TPGS2: variants seen among roughly 807,000 people sequenced by gnomAD.
TPGS2 encodes polyglutamylase subunit 2.
In TPGS2, 26 loss-of-function variants were observed where a neutral mutation model predicts 31.1. The observed-to-expected ratio is 0.84, with a 90% CI of 0.61 to 1.16. The LOEUF is 1.16. Among genes scored for constraint, TPGS2 ranks in the 50% most tolerant of loss-of-function variants. TPGS2 has a pLI of 0.00. For synonymous variants in TPGS2, 130 were observed against 136.6 expected, an observed-to-expected ratio of 0.95 and a Z score of 0.34; for missense variants, 351 against 363.8, an observed-to-expected ratio of 0.96 and a Z score of 0.29.
At chr18:36,790,491 A>G (rs2044272220), downstream of TPGS2, among the ~76,000 whole-genome samples, 1 of 152,180 alleles carries the variant, frequency 6.6e-6, no homozygotes, top group South Asian at 2.1e-4. Flanking sequence ...AAACATAAGG[A>G]TGTGAGTTTA....
intron 1 of TPGS2, 24 bp from the exon 2 acceptor site, chr18:36,818,997 AG>A (rs1181124834): frequency 6.2e-7 from 1 of 1,601,398 alleles, no homozygotes; most frequent in South Asian, 1.1e-5. Context: ...AAGAGTCTGT[AG>A]AGTTGCAATT....
At chr18:36,787,065 G>A (rs1403643950) in intron 6 of TPGS2, 6 of 1,232,970 alleles carry the variant, frequency 4.9e-6, no homozygotes, top group Admixed American at 4.2e-5. Context: ...TATTCATTTT[G>A]ATATTATAAG....
intron 1 of TPGS2, among the ~76,000 whole-genome samples, chr18:36,821,369 G>A (rs1420752800): frequency 6.6e-6 from 1 of 152,136 alleles, no homozygotes. Context: ...GACCCCAAAT[G>A]AGAACTACCC....
Position 36,820,815 on chromosome 18 carries a change from T to C in TPGS2, c.86-1842A>G, listed in dbSNP as rs73947031. ...TTTGGAAAGCAATAGAAATTATACA[T>C]TGTTCTTGGCCTATCAAGATGCCAT... On this transcript the variant is annotated intron_variant, in intron 1 of 6. Coordinates refer to ENST00000334295, the MANE Select transcript of TPGS2 (RefSeq NM_015476.4). 2.5e-3 allele frequency among the ~76,000 whole-genome samples: 388 copies of C among 152,310 alleles called. 3 individuals carry two copies. Among genetic ancestry groups the C allele is most frequent in the African/African-American group, 8.9e-3 (371 of 41,576 alleles).
At chr18:36,808,364 A>G (rs1340069178) in intron 2 of TPGS2, among the ~76,000 whole-genome samples, 1 of 152,256 alleles carries the variant, frequency 6.6e-6, no homozygotes, top group Non-Finnish European at 1.5e-5. Context: ...AGAGCATCTT[A>G]AAAGTGAAGA....
chr18:36,783,950 T>C (rs1389772495), intron 6 of TPGS2, among the ~76,000 whole-genome samples: 1 of 150,358 alleles, frequency 6.7e-6, no homozygotes, highest in Non-Finnish European at 1.5e-5. Context: ...AAAGGCAGAG[T>C]GAGATTTGAT....
At chr18:36,798,649 C>T (rs1191961935) in intron 5 of TPGS2, 40 bp from the exon 6 acceptor site, 1 of 1,590,906 alleles carries the variant, frequency 6.3e-7, no homozygotes, top group East Asian at 2.2e-5. Flanking sequence ...TAAAGAATAG[C>T]TTAACAGTTT....
chr18:36,813,617 G>GT (rs1347762145), intron 2 of TPGS2, among the ~76,000 whole-genome samples: 2 of 152,236 alleles, frequency 1.3e-5, no homozygotes. Flanking sequence ...GACAGAGACT[G>GT]TAACGCCAGA....
rs1186538303 is a variant in TPGS2 at position 36,795,388 on chromosome 18, G to T, written c.*1417C>A. On this transcript the variant is annotated 3_prime_UTR_variant, in exon 7 of 7. Transcript: ENST00000334295. ...CAGCTGGGACTGAAGTGTGCAGATG[G>T]TAGAGGCCCCTGCACCTCATTCCTC... 4 of 985,278 alleles carry T rather than the reference G, an allele frequency of 4.1e-6. No individual in the cohort carries two copies. Among genetic ancestry groups the T allele is most frequent in the Non-Finnish European group, 3.6e-6 (3 of 829,948 alleles). The allele number at this position is 985,278 out of a possible 1,614,324, so 61.0% of individuals were successfully genotyped here.
chr18:36,826,971 A>G (rs1158747274), intron 1 of TPGS2, among the ~76,000 whole-genome samples: 1 of 152,016 alleles, frequency 6.6e-6, no homozygotes, highest in African/African-American at 2.4e-5. Flanking sequence ...TGCTTTTTTT[A>G]TTAAGATGAT....
Position 36,796,662 on chromosome 18 carries a change from G to C in TPGS2, c.*143C>G. ...CTCACTACGAGCCTGGCTAATGTCG[G>C]TGGGACTAAAAGCCTTACAATTTTG... On this transcript the variant is annotated 3_prime_UTR_variant, in exon 7 of 7. Coordinates refer to ENST00000334295, the MANE Select transcript of TPGS2 (RefSeq NM_015476.4). The C allele has an allele frequency of 7.0e-7, 1 of 1,429,914 alleles. No homozygotes were observed. The highest frequency in any genetic ancestry group is 1.5e-5 in the African/African-American group (1 of 68,368). The allele number at this position is 1,429,914 out of a possible 1,614,324, so 88.6% of individuals were successfully genotyped here.
At chr18:36,793,319 C>T (rs1271813636), downstream of TPGS2, among the ~76,000 whole-genome samples, 1 of 152,120 alleles carries the variant, frequency 6.6e-6, no homozygotes, top group African/African-American at 2.4e-5. Flanking sequence ...TCCATTGGAC[C>T]CATGATGTGT....
chr18:36,797,373 G>A (rs963720504), intron 6 of TPGS2, among the ~76,000 whole-genome samples: 2 of 150,906 alleles, frequency 1.3e-5, no homozygotes, highest in Admixed American at 6.6e-5. Context: ...CTAGAGGACA[G>A]CGTCTATTGT....
At chr18:36,781,767 T>C, downstream of TPGS2, 1 of 985,502 alleles carries the variant, frequency 1.0e-6, no homozygotes, top group Non-Finnish European at 1.2e-6. Context: ...CCTCTGTGCC[T>C]GTGTTCCCCT....
intron 1 of TPGS2, chr18:36,820,848 A>G (rs1225213232): frequency 6.6e-6 from 1 of 152,230 alleles, no homozygotes; most frequent in Admixed American, 6.5e-5. Flanking sequence ...CATATATGAG[A>G]AGCAATATCT....
At position 36,800,391 on chromosome 18, in the gene TPGS2, G is replaced by GA; in HGVS notation, c.383-81dup. 3.4e-6 allele frequency: 4 copies of GA among 1,166,170 alleles called. No individual in the cohort carries two copies. The East Asian group carries it at 7.0e-5, about 20-fold the overall frequency. The allele number at this position is 1,166,170 out of a possible 1,614,324, so 72.2% of individuals were successfully genotyped here. ...CCTATATATCCAACTTTGCTAGGTG[G>GA]AAAAAACAGAAGGAAAAAGCCTTAT... is the stretch of plus-strand genomic sequence containing the variant. On this transcript the variant is annotated intron_variant, in intron 4 of 6. Coordinates refer to ENST00000334295, the MANE Select transcript of TPGS2 (RefSeq NM_015476.4).
chr18:36,826,404 C>CTGTGTGTGTGTGTGTGTGTG (rs34742069), intron 1 of TPGS2, among the ~76,000 whole-genome samples: 1 of 146,338 alleles, frequency 6.8e-6, no homozygotes, highest in Admixed American at 6.8e-5. Flanking sequence ...GGTGTATAGG[C>CTGTGTGTGTGTGTGTGTGTG]TGTGTGTGTG....
In TPGS2 at chr18:36,807,925, A is replaced by G; in HGVS notation, c.175T>C (p.Cys59Arg). ...TTCTTCACATCTTCAGGCATCACACAGTTATTCTTCTAGAATCACAAAGCA... is the reference window on the plus strand; with the variant it reads ...TTCTTCACATCTTCAGGCATCACACGGTTATTCTTCTAGAATCACAAAGCA... The part of the protein sequence containing the change: ...MISSWEQKNN[C>R]VMPEDVKNFY... The change falls in exon 3 of 7, where the codon TGT becomes CGT. Residue 59 changes from cysteine (C) to arginine (R), a missense_variant. Cys to Arg is a radical substitution (Grantham distance 180). Coordinates refer to ENST00000334295, the MANE Select transcript of TPGS2 (RefSeq NM_015476.4). 1 of 1,614,138 alleles carries G rather than the reference A, an allele frequency of 6.2e-7. No individual in the cohort carries two copies.
chr18:36,795,301 G>A lies in TPGS2; in HGVS notation c.*1504C>T. 1 of 985,594 alleles carries A rather than the reference G, an allele frequency of 1.0e-6. No individual in the cohort carries two copies. Among genetic ancestry groups the A allele is most frequent in the Non-Finnish European group, 1.2e-6 (1 of 830,058 alleles). 61.1% of individuals were successfully genotyped at this position (985,594 alleles called of 1,614,324 possible). ...CCCTGGGTCGATTAGCAGGTAGACAGTGCAAAGGAAGGAAGTCTGGCCAAT... is the reference window on the plus strand; with the variant it reads ...CCCTGGGTCGATTAGCAGGTAGACAATGCAAAGGAAGGAAGTCTGGCCAAT... On this transcript the variant is annotated 3_prime_UTR_variant, in exon 7 of 7. Coordinates refer to ENST00000334295, the MANE Select transcript of TPGS2 (RefSeq NM_015476.4).
Sources: gnomAD v4.1 joint callset for allele counts (sites outside exome capture counted in the v4.1 genomes callset) on GRCh38, gnomAD v4.1.1 for gene constraint, MANE v1.5 for transcripts, NCBI Gene and HGNC (gene_info 2026-07-23, HGNC 2026-07-21) for gene names.